The following CACNB2 variants were observed in gnomAD, a reference collection of about 807,000 sequenced individuals.
The protein encoded by CACNB2 is voltage-dependent L-type calcium channel subunit beta-2.
A neutral mutation model predicts 73.3 loss-of-function variants in CACNB2; 42 were observed. That is an observed-to-expected ratio of 0.57 (90% confidence interval 0.45 to 0.74). The LOEUF (loss-of-function observed/expected upper bound fraction) is 0.74. CACNB2 is among the 30% of genes least tolerant of loss of function. The pLI is 0.00. For synonymous variants in CACNB2, 348 were observed against 310.3 expected (o/e 1.12, Z -1.28); for missense variants, 940 against 853.0 (o/e 1.10, Z -1.27).
At chr10:18,504,117 T>C (rs1043942060) in intron 5 of CACNB2, among the ~76,000 whole-genome samples, 17 of 152,312 alleles carry the variant, frequency 1.1e-4, no homozygotes, top group Middle Eastern at 3.4e-3. Flanking sequence ...AAATGTAGTC[T>C]CCTGTGTCTC....
chr10:18,454,052 A>G (rs1458383206), intron 3 of CACNB2, among the ~76,000 whole-genome samples: 1 of 152,210 alleles, frequency 6.6e-6, no homozygotes, highest in Non-Finnish European at 1.5e-5. Flanking sequence ...CACAATAGGT[A>G]TTGTATAAAT....
rs926041709 is a variant in CACNB2 at position 18,542,771 on chromosome 10, G to A, written c.*3047G>A. 6.6e-5 allele frequency: 10 copies of A among 152,068 alleles called. No homozygotes were observed. The highest frequency in any genetic ancestry group is 1.9e-4 in the African/African-American group (8 of 41,406). 9.4% of individuals were successfully genotyped at this position (152,068 alleles called of 1,614,324 possible). A position where few individuals can be genotyped will look rare whatever the true frequency, so the allele number is the denominator to read the frequency against. On this transcript the variant is annotated 3_prime_UTR_variant, in exon 14 of 14. Coordinates refer to ENST00000324631, the MANE Select transcript of CACNB2 (RefSeq NM_201596.3). ...GGCAATGGGATATTTACTGACCTGC[G>A]GAATGTAAAGTTACAGTCTTTTCAC...
At position 18,235,076 on chromosome 10, in the gene CACNB2, G is replaced by C. The variant is rs189176018; in HGVS notation, c.213+84101G>C. Reference sequence around the variant, plus strand: ...GAGAATGGCATGAACCCGGGAGGCGGAGCTTGCAGTGAGCCGGGATCACGC... The same window carrying C: ...GAGAATGGCATGAACCCGGGAGGCGCAGCTTGCAGTGAGCCGGGATCACGC... On this transcript the variant is annotated intron_variant, in intron 2 of 13. Coordinates refer to ENST00000324631, the MANE Select transcript of CACNB2 (RefSeq NM_201596.3). 4.6e-3 allele frequency among the ~76,000 whole-genome samples: 700 copies of C among 151,298 alleles called. 6 individuals are homozygous for C. The highest frequency in any genetic ancestry group is 0.016 in the African/African-American group (672 of 41,290).
At chr10:18,532,504 C>G (rs575464703) in intron 10 of CACNB2, among the ~76,000 whole-genome samples, 15 of 151,948 alleles carry the variant, frequency 9.9e-5, no homozygotes, top group African/African-American at 3.4e-4. Flanking sequence ...GAAACGCCAT[C>G]TCTACTAAAA....
intron 2 of CACNB2, among the ~76,000 whole-genome samples, chr10:18,335,299 G>A (rs539517261): frequency 6.6e-6 from 1 of 152,256 alleles, no homozygotes; most frequent in South Asian, 2.1e-4. Context: ...CTTTCACAGG[G>A]TGTGATGGCT....
chr10:18,337,043 C>T (rs2041033719), intron 2 of CACNB2, among the ~76,000 whole-genome samples: 2 of 152,190 alleles, frequency 1.3e-5, no homozygotes, highest in Non-Finnish European at 1.5e-5. Flanking sequence ...ATATTTTTAA[C>T]AGTGGAATCT....
intron 9 of CACNB2, among the ~76,000 whole-genome samples, chr10:18,523,107 C>G (rs2052090835): frequency 6.6e-6 from 1 of 152,048 alleles, no homozygotes; most frequent in Non-Finnish European, 1.5e-5. Context: ...TGGACCAAGG[C>G]TACTAGGCAC....
intron 2 of CACNB2, among the ~76,000 whole-genome samples, chr10:18,278,340 G>A (rs781268907): frequency 6.6e-6 from 1 of 151,954 alleles, no homozygotes; most frequent in Non-Finnish European, 1.5e-5. Context: ...AATGTGGTGA[G>A]TAATAAGGAA....
intron 2 of CACNB2, among the ~76,000 whole-genome samples, chr10:18,207,471 A>T (rs930423815): frequency 6.6e-6 from 1 of 152,202 alleles, no homozygotes; most frequent in Non-Finnish European, 1.5e-5. Flanking sequence ...TCAGGCATCC[A>T]CCAGAGGTCT....
chr10:18,429,144 A>C (rs1165500731), intron 3 of CACNB2, among the ~76,000 whole-genome samples: 9 of 152,184 alleles, frequency 5.9e-5, no homozygotes, highest in Admixed American at 5.9e-4. Context: ...AAGGAAACTT[A>C]TTTATAGAAG....
At chr10:18,335,110 T>C (rs1171991448) in intron 2 of CACNB2, among the ~76,000 whole-genome samples, 2 of 151,486 alleles carry the variant, frequency 1.3e-5, no homozygotes, top group East Asian at 1.9e-4. Flanking sequence ...ATGTGAAAAT[T>C]TGTCAGAAGT....
intron 2 of CACNB2, among the ~76,000 whole-genome samples, chr10:18,257,562 C>CTT (rs1292290084): frequency 6.6e-6 from 1 of 152,204 alleles, no homozygotes; most frequent in Non-Finnish European, 1.5e-5. Context: ...ACCTTCTGTG[C>CTT]TTTTGCATCT....
chr10:18,397,151 A>G (rs2043752218), intron 2 of CACNB2, among the ~76,000 whole-genome samples: 1 of 152,208 alleles, frequency 6.6e-6, no homozygotes, highest in Non-Finnish European at 1.5e-5. Flanking sequence ...ACAGCAAAGT[A>G]TATAAATTTT....
At position 18,494,593 on chromosome 10, in the gene CACNB2, T is replaced by C. The variant is rs575976696; in HGVS notation, c.334-3762T>C. Among the ~76,000 whole-genome samples, 26 of 148,706 alleles carry C rather than the reference T, an allele frequency of 1.7e-4. No individual in the cohort carries two copies. In the South Asian group the frequency reaches 4.9e-3, roughly 28 times the overall value. Reference sequence around the variant, plus strand: ...TTTGCAGTGAGCCGAGATCGTGCCATTGCACTCCAGCCTGGGTGACAGAGT... The same window carrying C: ...TTTGCAGTGAGCCGAGATCGTGCCACTGCACTCCAGCCTGGGTGACAGAGT... On this transcript the variant is annotated intron_variant, in intron 3 of 13. Transcript: ENST00000324631.
At chr10:18,389,057 C>T (rs1456406873) in intron 2 of CACNB2, among the ~76,000 whole-genome samples, 2 of 152,140 alleles carry the variant, frequency 1.3e-5, no homozygotes, top group African/African-American at 2.4e-5. Context: ...TATTCACAAA[C>T]ATAGGAACAT....
chr10:18,267,154 G>A (rs1371804417), intron 2 of CACNB2, among the ~76,000 whole-genome samples: 1 of 151,700 alleles, frequency 6.6e-6, no homozygotes, highest in Admixed American at 6.6e-5. Context: ...GTTCATATAT[G>A]TATTTTCGTA....
intron 2 of CACNB2, among the ~76,000 whole-genome samples, chr10:18,322,959 C>CTT (rs35664294): frequency 0.015 from 1,586 of 106,274 alleles, 32 homozygotes; most frequent in Non-Finnish European, 0.025. Context: ...TGGTGATATT[C>CTT]TTTTTTTTTT....
intron 3 of CACNB2, among the ~76,000 whole-genome samples, chr10:18,473,238 G>A (rs1035105057): frequency 6.6e-6 from 1 of 152,092 alleles, no homozygotes; most frequent in African/African-American, 2.4e-5. Context: ...ATTTCTACTT[G>A]GTATAATATG....
rs1009147083 is a variant in CACNB2, at chr10:18,309,272, A to G, written c.214-92652A>G. On this transcript the variant is annotated intron_variant, in intron 2 of 13. Coordinates refer to ENST00000324631, the MANE Select transcript of CACNB2 (RefSeq NM_201596.3). Reference sequence around the variant, plus strand: ...CAATTCAGAAACAGAGAGGGAGACCAATAGAGTCAAAAATGTCTCCAACAG... The same window carrying G: ...CAATTCAGAAACAGAGAGGGAGACCGATAGAGTCAAAAATGTCTCCAACAG... 3.4e-5 allele frequency among the ~76,000 whole-genome samples: 5 copies of G among 145,268 alleles called. No homozygotes were observed. In the East Asian group the frequency reaches 1.0e-3, roughly 29 times the overall value.
Sources: allele counts gnomAD v4.1 joint callset (sites outside exome capture counted in the v4.1 genomes callset), GRCh38; gene constraint gnomAD v4.1.1; transcripts MANE v1.5; gene names NCBI Gene and HGNC (gene_info 2026-07-23, HGNC 2026-07-21).